Variants in SYT14 observed in about 807,000 individuals in gnomAD.
The protein encoded by SYT14 is synaptotagmin-14.
A neutral mutation model predicts 74.2 loss-of-function variants in SYT14; 32 were observed. The observed-to-expected ratio is 0.43, with a 90% CI of 0.33 to 0.58. SYT14 has a LOEUF of 0.58. SYT14 is among the 20% of genes least tolerant of loss of function. The pLI, the probability that SYT14 is intolerant of heterozygous loss-of-function variation, is 0.05. For missense variants in SYT14, 791 were observed against 981.8 expected (o/e 0.81, Z 2.60); for synonymous variants, 298 against 337.7 (o/e 0.88, Z 1.29).
chr1:210,147,288 G>T (rs1049557653), intron 7 of SYT14, among the ~76,000 whole-genome samples: 1 of 152,026 alleles, frequency 6.6e-6, no homozygotes, highest in Admixed American at 6.6e-5. Context: ...AAAAAGTTTT[G>T]GAGAGTGGAA....
chr1:210,076,532 G>T (rs1159494307), intron 5 of SYT14, among the ~76,000 whole-genome samples: 1 of 152,082 alleles, frequency 6.6e-6, no homozygotes, highest in African/African-American at 2.4e-5. Context: ...AATACAAAAG[G>T]TGGCTGTATT....
intron 5 of SYT14, among the ~76,000 whole-genome samples, chr1:210,022,509 T>C (rs1305974650): frequency 1.3e-5 from 2 of 152,196 alleles, no homozygotes; most frequent in African/African-American, 4.8e-5. Flanking sequence ...GGTACATGAA[T>C]AGTAGAGCAG....
intron 3 of SYT14, among the ~76,000 whole-genome samples, chr1:210,015,041 AAAC>A (rs1420238267): frequency 6.7e-6 from 1 of 150,282 alleles, no homozygotes; most frequent in Admixed American, 6.6e-5. Flanking sequence ...TTTTTTAAAA[AAAC>A]AAGACTATTA....
At position 210,015,125 on chromosome 1, in the gene SYT14, A is replaced by T. The variant is rs112953967; in HGVS notation, c.-320-559A>T. 3.1e-3 allele frequency among the ~76,000 whole-genome samples: 470 copies of T among 152,222 alleles called. 4 individuals are homozygous for T. Among genetic ancestry groups the T allele is most frequent in the African/African-American group, 0.011 (444 of 41,564 alleles). On this transcript the variant is annotated intron_variant, in intron 3 of 9. Coordinates refer to ENST00000637265, the Ensembl canonical transcript of SYT14. The stretch of plus-strand genomic sequence containing the variant: ...CAAAACAAAAAGAAAATGGGGAAAA[A>T]GTGGTGAGAAGAGTGATTTTGTTTT...
At chr1:209,957,321 G>A (rs935787119) in intron 2 of SYT14, among the ~76,000 whole-genome samples, 7 of 152,112 alleles carry the variant, frequency 4.6e-5, no homozygotes, top group South Asian at 4.1e-4. Context: ...ACGAGAGATT[G>A]CACCTTATGA....
chr1:210,070,429 A>G (rs1157169847), intron 5 of SYT14, among the ~76,000 whole-genome samples: 1 of 152,114 alleles, frequency 6.6e-6, no homozygotes, highest in Non-Finnish European at 1.5e-5. Context: ...AATTACACAG[A>G]TCTTAGCAGT....
intron 5 of SYT14, among the ~76,000 whole-genome samples, chr1:210,032,222 A>G (rs919974328): frequency 6.6e-6 from 1 of 152,138 alleles, no homozygotes; most frequent in Admixed American, 6.6e-5. Flanking sequence ...TACCGACATA[A>G]CAGAATGGTA....
At position 210,114,713 on chromosome 1, in the gene SYT14, C is replaced by A. The variant is rs920288892; in HGVS notation, c.2034+14252C>A. Among the ~76,000 whole-genome samples, 19 of 151,056 alleles carry A rather than the reference C, an allele frequency of 1.3e-4. 1 individual carries two copies. Among genetic ancestry groups the A allele is most frequent in the African/African-American group, 4.7e-4 (19 of 40,422 alleles). ...CCTTGACTGTGCCTTTAGCTCCAGCCACCTCTTTAAGATGAAATTGTTGGG... is the reference window on the plus strand; with the variant it reads ...CCTTGACTGTGCCTTTAGCTCCAGCAACCTCTTTAAGATGAAATTGTTGGG... On this transcript the variant is annotated intron_variant, in intron 7 of 9. Transcript: ENST00000637265.
At chr1:209,996,622 C>T (rs910144473) in intron 2 of SYT14, among the ~76,000 whole-genome samples, 9 of 152,122 alleles carry the variant, frequency 5.9e-5, no homozygotes, top group Middle Eastern at 3.4e-3. Context: ...CCAGCATCAC[C>T]CTAATACCAA....
intron 7 of SYT14, among the ~76,000 whole-genome samples, chr1:210,121,189 A>G (rs911654888): frequency 2.0e-5 from 3 of 152,210 alleles, no homozygotes; most frequent in African/African-American, 4.8e-5. Context: ...GAGTTAGTCC[A>G]TGTAGAGTCC....
chr1:210,074,790 TG>T (rs1182654231), intron 5 of SYT14, among the ~76,000 whole-genome samples: 2 of 152,180 alleles, frequency 1.3e-5, no homozygotes, highest in African/African-American at 2.4e-5. Flanking sequence ...TGGCAGGCTG[TG>T]GGGCTCTGAC....
chr1:209,988,465 T>A (rs970067194), intron 2 of SYT14, among the ~76,000 whole-genome samples: 1 of 152,224 alleles, frequency 6.6e-6, no homozygotes, highest in African/African-American at 2.4e-5. Context: ...TTTTGCTTCT[T>A]TGCATACCTG....
At chr1:210,032,454 A>G (rs2102995721) in intron 5 of SYT14, among the ~76,000 whole-genome samples, 1 of 152,144 alleles carries the variant, frequency 6.6e-6, no homozygotes, top group East Asian at 1.9e-4. Flanking sequence ...GCCAGTAGAA[A>G]GATTCTTTAC....
At chr1:210,169,247 T>G (rs2083494904) in exon 10 of SYT14, 3 of 143,146 alleles carry the variant, frequency 2.1e-5, no homozygotes, top group African/African-American at 7.9e-5. Flanking sequence ...TTTTTTTTTT[T>G]TTTTGTAGTG....
intron 7 of SYT14, among the ~76,000 whole-genome samples, chr1:210,117,720 A>G (rs2082387193): frequency 6.6e-6 from 1 of 152,168 alleles, no homozygotes; most frequent in Non-Finnish European, 1.5e-5. Context: ...AAAAGAAGAA[A>G]CAAACAGGTC....
intron 2 of SYT14, among the ~76,000 whole-genome samples, chr1:209,970,222 A>G (rs890606674): frequency 6.6e-6 from 1 of 152,154 alleles, no homozygotes; most frequent in Non-Finnish European, 1.5e-5. Context: ...TCTTTAATCC[A>G]TCTTGAGTTA....
At chr1:210,107,457 G>A (rs2082179195) in intron 7 of SYT14, among the ~76,000 whole-genome samples, 1 of 152,160 alleles carries the variant, frequency 6.6e-6, no homozygotes, top group African/African-American at 2.4e-5. Context: ...ACATTTGATT[G>A]ACAGTGTATC....
At chr1:210,019,831 T>C (rs2080266076) in intron 4 of SYT14, among the ~76,000 whole-genome samples, 1 of 152,210 alleles carries the variant, frequency 6.6e-6, no homozygotes. Context: ...TCTAGAATTG[T>C]TTAATAATTC....
intron 5 of SYT14, among the ~76,000 whole-genome samples, chr1:210,027,140 C>T (rs2080430312): frequency 6.6e-6 from 1 of 151,918 alleles, no homozygotes; most frequent in African/African-American, 2.4e-5. Context: ...TTAATTTTAT[C>T]TGTATTTATG....
Sources: gnomAD v4.1 joint callset for allele counts (sites outside exome capture counted in the v4.1 genomes callset) on GRCh38, gnomAD v4.1.1 for gene constraint, MANE v1.5 for transcripts, NCBI Gene and HGNC (gene_info 2026-07-23, HGNC 2026-07-21) for gene names.